ACCSL: variants seen among roughly 807,000 people sequenced by gnomAD.
ACCSL encodes probable inactive 1-aminocyclopropane-1-carboxylate synthase-like protein 2.
Under a neutral mutation model 61.7 loss-of-function variants are expected in ACCSL, and 55 were observed. That is an observed-to-expected ratio of 0.89 (90% confidence interval 0.72 to 1.12). ACCSL has a LOEUF of 1.12. ACCSL is among the 50% of genes most tolerant of loss of function. ACCSL has a pLI of 0.00. For synonymous variants in ACCSL, 258 were observed against 264.3 expected (o/e 0.98, Z 0.23); for missense variants, 632 against 698.0 (o/e 0.91, Z 1.07).
the ACCSL span, among the ~76,000 whole-genome samples, chr11:43,981,551 A>C: frequency 6.6e-6 from 1 of 152,220 alleles, no homozygotes; most frequent in Admixed American, 6.5e-5. Context: ...CTCCTAATGC[A>C]ACACTACATA....
At chr11:43,933,247 A>G in the ACCSL span, 1 of 449,790 alleles carries the variant, frequency 2.2e-6, no homozygotes, top group South Asian at 1.6e-5. Context: ...CCCAGTCTCT[A>G]TGCTTACTAG....
At chr11:44,055,171 T>C (rs369066307) in intron 8 of ACCSL, 31 bp from the exon 9 acceptor site, 56 of 1,448,562 alleles carry the variant, frequency 3.9e-5, no homozygotes, top group Non-Finnish European at 5.1e-5. Context: ...AGAAGCTAGA[T>C]CTTGTTCTCC....
the ACCSL span, among the ~76,000 whole-genome samples, chr11:44,020,016 C>T: frequency 6.6e-6 from 1 of 152,114 alleles, no homozygotes; most frequent in African/African-American, 2.4e-5. Flanking sequence ...CTATTTTTGC[C>T]CCCACTGAAT....
chr11:44,052,010 C>A (rs1215382014), intron 5 of ACCSL, among the ~76,000 whole-genome samples: 1 of 152,190 alleles, frequency 6.6e-6, no homozygotes, highest in African/African-American at 2.4e-5. Flanking sequence ...GGCTCAGCTG[C>A]AATACAGACA....
the ACCSL span, among the ~76,000 whole-genome samples, chr11:44,025,604 CT>C: frequency 6.8e-6 from 1 of 147,494 alleles, no homozygotes; most frequent in Non-Finnish European, 1.5e-5. Context: ...AAAAACATAT[CT>C]TTGAACTGTT....
In ACCSL at chr11:44,048,046, C is replaced by T. The variant is rs779207509; in HGVS notation, c.10C>T (p.Arg4Trp). The change falls in exon 1 of 14, where the codon CGG becomes TGG. Residue 4 changes from arginine (R) to tryptophan (W), a missense_variant. By Grantham distance (101) the Arg-to-Trp change is moderately radical. Coordinates refer to ENST00000378832, the MANE Select transcript of ACCSL (RefSeq NM_001031854.2). MSH[R>W]SDTLPVPSGQ... is the part of the protein sequence containing the mutation. ...TAAAGATACCCGGAGTATGAGTCAT[C>T]GGTCAGACACCCTTCCTGTGCCCTC... 64 of 1,608,314 alleles carry T rather than the reference C, an allele frequency of 4.0e-5. No homozygotes were observed. The highest frequency in any genetic ancestry group is 2.4e-4 in the African/African-American group (18 of 74,818).
At chr11:44,023,150 C>A in the ACCSL span, among the ~76,000 whole-genome samples, 1 of 147,868 alleles carries the variant, frequency 6.8e-6, no homozygotes, top group South Asian at 2.2e-4. Flanking sequence ...TTTCTGGGCT[C>A]AGGTGATCCT....
the ACCSL span, among the ~76,000 whole-genome samples, chr11:44,000,017 G>A: frequency 6.6e-6 from 1 of 152,208 alleles, no homozygotes; most frequent in South Asian, 2.1e-4. Flanking sequence ...GGTGTATCAT[G>A]ACTGTAATCC....
At chr11:44,019,771 T>A in the ACCSL span, among the ~76,000 whole-genome samples, 83,049 of 152,034 alleles carry the variant, frequency 0.55, 23,015 homozygotes, top group Admixed American at 0.6. Context: ...AATTTAAATA[T>A]ATTTTTCTTT....
the ACCSL span, among the ~76,000 whole-genome samples, chr11:43,959,945 C>T: frequency 1.3e-5 from 2 of 152,196 alleles, no homozygotes; most frequent in Non-Finnish European, 2.9e-5. Context: ...CCCCAACCCA[C>T]AGGAGGCTTG....
rs750154415 is a variant in ACCSL at position 44,058,693 on chromosome 11, A to C, written c.1618A>C (p.Lys540Gln). The C allele has an allele frequency of 3.7e-6, 6 of 1,610,064 alleles. No homozygotes were observed. The highest frequency in any genetic ancestry group is 5.1e-6 in the Non-Finnish European group (6 of 1,177,510). ...LIFADELPRL[K>Q]LAMRRFCDVL... is the part of the protein sequence containing the mutation. ...CTTTGCAGATGAGCTCCCCCGGCTA[A>C]AATTGGGTGAGTGGAGCTGACCTCC... The change falls in exon 13 of 14, where the codon AAA (lysine) becomes CAA (glutamine). Residue 540 changes from lysine to glutamine, a missense_variant. Coordinates refer to ENST00000378832, the MANE Select transcript of ACCSL (RefSeq NM_001031854.2).
intron 5 of ACCSL, 85 bp from the exon 6 acceptor site, chr11:44,052,577 G>T: frequency 1.7e-6 from 2 of 1,177,812 alleles, no homozygotes; most frequent in Non-Finnish European, 1.3e-6. Context: ...TTTTTCTGTC[G>T]ATAGCTTTGC....
At chr11:44,051,128 A>G (rs1952635350) in intron 3 of ACCSL, among the ~76,000 whole-genome samples, 2 of 152,208 alleles carry the variant, frequency 1.3e-5, no homozygotes, top group South Asian at 4.1e-4. Flanking sequence ...GGCATGAGCC[A>G]CTGTGCCCGG....
At chr11:43,941,460 C>G in the ACCSL span, among the ~76,000 whole-genome samples, 7 of 152,254 alleles carry the variant, frequency 4.6e-5, no homozygotes, top group Admixed American at 4.6e-4. Flanking sequence ...TGACCCCCTC[C>G]TTTTTGGGTG....
the ACCSL span, among the ~76,000 whole-genome samples, chr11:43,985,327 G>A: frequency 6.6e-6 from 1 of 152,160 alleles, no homozygotes; most frequent in Non-Finnish European, 1.5e-5. Flanking sequence ...GTGTTTCCTG[G>A]CAGGAAGCTG....
chr11:43,938,023 G>A, the ACCSL span, among the ~76,000 whole-genome samples: 243 of 152,226 alleles, frequency 1.6e-3, 2 homozygotes, highest in African/African-American at 5.4e-3. Flanking sequence ...CTTCTTAATC[G>A]AGTGAGGCAG....
the ACCSL span, among the ~76,000 whole-genome samples, chr11:44,019,020 C>T: frequency 2.0e-5 from 3 of 152,280 alleles, no homozygotes; most frequent in South Asian, 4.1e-4. Flanking sequence ...GAATTTGACT[C>T]TTCTAGGCAT....
intron 5 of ACCSL, 23 bp downstream of exon 5, chr11:44,051,742 C>T (rs1297570970): frequency 3.1e-6 from 5 of 1,613,454 alleles, no homozygotes; most frequent in Non-Finnish European, 4.2e-6. Context: ...GCTCTCCTTT[C>T]ACTCTCAGTG....
chr11:43,942,082 G>A, the ACCSL span, among the ~76,000 whole-genome samples: 1 of 151,816 alleles, frequency 6.6e-6, no homozygotes, highest in African/African-American at 2.4e-5. Context: ...GTGTGCGCGC[G>A]CGCGCCTGCG....
Sources: gnomAD v4.1 joint callset for allele counts (sites outside exome capture counted in the v4.1 genomes callset) on GRCh38, gnomAD v4.1.1 for gene constraint, MANE v1.5 for transcripts, NCBI Gene and HGNC (gene_info 2026-07-23, HGNC 2026-07-21) for gene names.